PLCXD3: variants seen among roughly 807,000 people sequenced by gnomAD.
PLCXD3 encodes phosphatidylinositol specific phospholipase C X domain containing 3.
A neutral mutation model predicts 25.5 loss-of-function variants in PLCXD3; 19 were observed. The observed-to-expected ratio is 0.75, with a 90% CI of 0.52 to 1.09. PLCXD3 has a LOEUF of 1.09. PLCXD3 is among the 50% of genes least tolerant of loss of function. The pLI is 0.00. For missense variants in PLCXD3, 411 were observed against 388.1 expected (o/e 1.06, Z -0.50); for synonymous variants, 174 against 137.6 (o/e 1.26, Z -1.85).
At chr5:41,506,636 G>A (rs1443813428) in intron 1 of PLCXD3, among the ~76,000 whole-genome samples, 1 of 152,154 alleles carries the variant, frequency 6.6e-6, no homozygotes. Context: ...CAGGAACACA[G>A]GCAGCAACAA....
chr5:41,385,832 C>A (rs1745617215), intron 1 of PLCXD3, among the ~76,000 whole-genome samples: 1 of 152,042 alleles, frequency 6.6e-6, no homozygotes, highest in Admixed American at 6.6e-5. Context: ...TGACCAAAAC[C>A]AGCTGGGAGC....
intron 1 of PLCXD3, 30 bp from the exon 2 acceptor site, chr5:41,382,564 A>C (rs1745504156): frequency 6.6e-7 from 1 of 1,518,368 alleles, no homozygotes; most frequent in South Asian, 1.2e-5. Context: ...TAGTGTGGTT[A>C]ATTTCCACGT....
chr5:41,442,030 A>G (rs551209085), intron 1 of PLCXD3, among the ~76,000 whole-genome samples: 7 of 152,240 alleles, frequency 4.6e-5, no homozygotes, highest in Non-Finnish European at 1.0e-4. Context: ...ATTCTCCACT[A>G]TGTCAACCTA....
intron 1 of PLCXD3, among the ~76,000 whole-genome samples, chr5:41,399,438 T>TA (rs1561260904): frequency 6.6e-6 from 1 of 151,984 alleles, no homozygotes; most frequent in Non-Finnish European, 1.5e-5. Flanking sequence ...TACCTGACTT[T>TA]AAATTATACT....
In PLCXD3 at chr5:41,493,437, C is replaced by G. The variant is rs560139116; in HGVS notation, c.103+16987G>C. ...CCGTTCTCAGATCTCCAGCTGCATA[C>G]TGGGAGAACCACTGCTCTCTTCAAA... On this transcript the variant is annotated intron_variant, in intron 1 of 2. Transcript: ENST00000377801. Among the ~76,000 whole-genome samples the G allele has an allele frequency of 2.8e-3, 428 of 152,324 alleles. 2 individuals are homozygous for G. Among genetic ancestry groups the G allele is most frequent in the African/African-American group, 9.8e-3 (409 of 41,576 alleles).
intron 1 of PLCXD3, among the ~76,000 whole-genome samples, chr5:41,421,789 A>G (rs1746835087): frequency 6.6e-6 from 1 of 152,214 alleles, no homozygotes; most frequent in Non-Finnish European, 1.5e-5. Flanking sequence ...GCACATTTTA[A>G]TTTCAGCTGA....
chr5:41,439,503 T>G (rs1213572205), intron 1 of PLCXD3, among the ~76,000 whole-genome samples: 1 of 152,150 alleles, frequency 6.6e-6, no homozygotes, highest in African/African-American at 2.4e-5. Flanking sequence ...AGGAGTACCC[T>G]TTCTCCTCCC....
At chr5:41,462,063 C>A (rs370225654) in intron 1 of PLCXD3, among the ~76,000 whole-genome samples, 1 of 151,906 alleles carries the variant, frequency 6.6e-6, no homozygotes, top group African/African-American at 2.4e-5. Context: ...TTTAGAAAGG[C>A]GTTTAATCTA....
chr5:41,493,805 G>T (rs554047370), intron 1 of PLCXD3, among the ~76,000 whole-genome samples: 2 of 152,216 alleles, frequency 1.3e-5, no homozygotes, highest in South Asian at 2.1e-4. Flanking sequence ...CAGTATTGGG[G>T]TGGGAGTGAC....
At chr5:41,423,251 G>A (rs940302298) in intron 1 of PLCXD3, among the ~76,000 whole-genome samples, 6 of 152,076 alleles carry the variant, frequency 3.9e-5, no homozygotes, top group Middle Eastern at 3.2e-3. Context: ...TGGTTTGGTA[G>A]ATTATGCTGG....
intron 1 of PLCXD3, among the ~76,000 whole-genome samples, chr5:41,409,699 T>C (rs935452987): frequency 2.0e-5 from 3 of 152,220 alleles, no homozygotes; most frequent in African/African-American, 7.2e-5. Context: ...TTCGCTATTG[T>C]GCCCTCAACA....
rs1743028292 is a variant in PLCXD3 at position 41,307,342 on chromosome 5, T to G, written c.*6275A>C. On this transcript the variant is annotated 3_prime_UTR_variant, in exon 3 of 3. Coordinates refer to ENST00000377801, the MANE Select transcript of PLCXD3 (RefSeq NM_001005473.3). ...GGTAGCTACTGAAAATGTTTCAAAA[T>G]TCCATCTGCATTCAGTCTCTGTCAA... 1 of 152,586 alleles carries G rather than the reference T, an allele frequency of 6.6e-6. No individual in the cohort carries two copies. The allele number at this position is 152,586 out of a possible 1,614,324, so 9.5% of individuals were successfully genotyped here.
chr5:41,406,591 T>A (rs997289276), intron 1 of PLCXD3, among the ~76,000 whole-genome samples: 1 of 152,162 alleles, frequency 6.6e-6, no homozygotes, highest in African/African-American at 2.4e-5. Flanking sequence ...TGGTAAATAC[T>A]GTGTAGAGGC....
At chr5:41,491,668 C>G (rs200280135) in intron 1 of PLCXD3, among the ~76,000 whole-genome samples, 2 of 152,036 alleles carry the variant, frequency 1.3e-5, no homozygotes, top group Admixed American at 6.6e-5. Flanking sequence ...TTGTTGAATT[C>G]ATCCCTTTAG....
intron 2 of PLCXD3, among the ~76,000 whole-genome samples, chr5:41,316,347 C>A (rs1449730858): frequency 6.6e-6 from 1 of 152,182 alleles, no homozygotes; most frequent in Non-Finnish European, 1.5e-5. Flanking sequence ...CCCCAGATAA[C>A]CAGCAGAGAT....
chr5:41,475,789 T>G (rs924999292), intron 1 of PLCXD3: 6 of 523,582 alleles, frequency 1.1e-5, no homozygotes, highest in Admixed American at 2.0e-5. Context: ...CTGCTGTTAC[T>G]ACTTGAGACC....
chr5:41,496,937 CAT>C (rs774572123), intron 1 of PLCXD3, among the ~76,000 whole-genome samples: 7 of 151,154 alleles, frequency 4.6e-5, no homozygotes, highest in Non-Finnish European at 7.4e-5. Context: ...ACATTGGTAA[CAT>C]AAAGTATGTG....
rs1373639 is a variant in PLCXD3 at position 41,310,855 on chromosome 5, C to G, written c.*2762G>C. The G allele has an allele frequency of 0.18, 27,752 of 152,554 alleles. 4,507 individuals are homozygous for G. Among genetic ancestry groups the G allele is most frequent in the African/African-American group, 0.42 (17,488 of 41,452 alleles). The allele number at this position is 152,554 out of a possible 1,614,324, so 9.5% of individuals were successfully genotyped here. A position where few individuals can be genotyped will look rare whatever the true frequency, so the allele number is the denominator to read the frequency against. ...TGGAAACCATAGCATTGGCTTGAAA[C>G]TGCCTTTTGTCTAACAAGGTTTCTG... is the stretch of plus-strand genomic sequence containing the variant. On this transcript the variant is annotated 3_prime_UTR_variant, in exon 3 of 3. Transcript: ENST00000377801.
intron 1 of PLCXD3, among the ~76,000 whole-genome samples, chr5:41,428,176 T>A (rs1313583749): frequency 6.6e-6 from 1 of 152,172 alleles, no homozygotes; most frequent in African/African-American, 2.4e-5. Flanking sequence ...GGCATTCAGA[T>A]CCCTTTCTGC....
Sources: allele counts gnomAD v4.1 joint callset (sites outside exome capture counted in the v4.1 genomes callset), GRCh38; gene constraint gnomAD v4.1.1; transcripts MANE v1.5; gene names NCBI Gene and HGNC (gene_info 2026-07-23, HGNC 2026-07-21).